Variants in ARHGAP32 observed in about 807,000 individuals in gnomAD.
ARHGAP32 encodes Rho GTPase activating protein 32.
ARHGAP32 carries 51 observed loss-of-function variants against 186.5 expected under a neutral mutation model. The ratio of observed to expected loss-of-function variants is 0.27; its 90% CI spans 0.22 to 0.35. The LOEUF is 0.35. ARHGAP32 is among the 10% of genes least tolerant of loss of function. ARHGAP32 has a pLI of 1.00. For synonymous variants in ARHGAP32, 950 were observed against 964.3 expected, an observed-to-expected ratio of 0.99 and a Z score of 0.27; for missense variants, 2,186 against 2,623.5, an observed-to-expected ratio of 0.83 and a Z score of 3.64.
At chr11:129,110,621 T>C (rs1343849434) in intron 5 of ARHGAP32, among the ~76,000 whole-genome samples, 1 of 152,228 alleles carries the variant, frequency 6.6e-6, no homozygotes, top group Non-Finnish European at 1.5e-5. Flanking sequence ...CATTCATCAG[T>C]GTTACACAAT....
chr11:129,238,756 A>AACACACACAC (rs71057936), intron 1 of ARHGAP32, among the ~76,000 whole-genome samples: 25,434 of 148,172 alleles, frequency 0.17, 2,319 homozygotes, highest in East Asian at 0.23. Context: ...ACTTATTTTA[A>AACACACACAC]ACACACACAC....
intron 2 of ARHGAP32, among the ~76,000 whole-genome samples, chr11:129,127,301 T>G (rs996222291): frequency 1.3e-5 from 2 of 152,182 alleles, no homozygotes; most frequent in South Asian, 4.1e-4. Flanking sequence ...CGGGAAAACC[T>G]CTGCCTAAAA....
At chr11:129,223,357 T>C (rs549382726) in intron 1 of ARHGAP32, among the ~76,000 whole-genome samples, 25 of 149,380 alleles carry the variant, frequency 1.7e-4, no homozygotes, top group Non-Finnish European at 3.0e-4. Flanking sequence ...GTGGTACCAG[T>C]GGAATTGAAG....
chr11:128,968,968 C>G lies in ARHGAP32; in HGVS notation c.6245G>C (p.Gly2082Ala). 6.3e-7 allele frequency: 1 copy of G among 1,581,462 alleles called. No individual in the cohort carries two copies. Among genetic ancestry groups the G allele is most frequent in the Non-Finnish European group, 8.6e-7 (1 of 1,158,424 alleles). The change falls in exon 23 of 23, where the codon GGG becomes GCG. Residue 2082 changes from glycine to alanine, a missense_variant. Around this residue, in one of 5 missense-constraint regions of ARHGAP32, gnomAD observed 1,502 missense variants for 1,570.0 expected, o/e 0.96. Coordinates refer to ENST00000682385, the MANE Select transcript of ARHGAP32 (RefSeq NM_001378024.1). ...GGACAACTCTGCGGGCAGGAAGGCC[C>G]CTTGACCCAACGCTGTAGCATAGGT... ...SRTYATALGQ[G>A]AFLPAELSLQ...
intron 12 of ARHGAP32, among the ~76,000 whole-genome samples, chr11:128,994,073 A>C (rs2134706569): frequency 6.6e-6 from 1 of 152,298 alleles, no homozygotes; most frequent in South Asian, 2.1e-4. Context: ...CATAACTGAA[A>C]CTTCTAAGTA....
At chr11:129,051,570 G>A (rs957999885) in intron 10 of ARHGAP32, among the ~76,000 whole-genome samples, 3 of 152,096 alleles carry the variant, frequency 2.0e-5, no homozygotes, top group South Asian at 2.1e-4. Flanking sequence ...TTCTTCTGAC[G>A]TCACATTAAA....
intron 1 of ARHGAP32, among the ~76,000 whole-genome samples, chr11:129,180,495 C>A (rs1944033215): frequency 6.6e-6 from 1 of 151,922 alleles, no homozygotes; most frequent in Admixed American, 6.6e-5. Context: ...TGTGTTATAC[C>A]TCAAAGTGTA....
intron 2 of ARHGAP32, among the ~76,000 whole-genome samples, chr11:129,159,549 C>T (rs1943484873): frequency 6.6e-6 from 1 of 151,834 alleles, no homozygotes; most frequent in African/African-American, 2.4e-5. Flanking sequence ...AGACCAATAA[C>T]AAGTTCTGAA....
At chr11:129,248,431 C>A (rs1945133485) in intron 1 of ARHGAP32, among the ~76,000 whole-genome samples, 1 of 152,134 alleles carries the variant, frequency 6.6e-6, no homozygotes, top group Non-Finnish European at 1.5e-5. Context: ...TAAAAATTTA[C>A]TCTTAATCAA....
intron 10 of ARHGAP32, among the ~76,000 whole-genome samples, chr11:129,056,034 G>C (rs1940240050): frequency 6.6e-6 from 1 of 152,132 alleles, no homozygotes; most frequent in Non-Finnish European, 1.5e-5. Context: ...GTGTGATTCT[G>C]GCCCTGGTGC....
Position 129,152,175 on chromosome 11 carries a change from T to C in ARHGAP32, c.225+12144A>G, listed in dbSNP as rs1943301949. Among the ~76,000 whole-genome samples, 6 of 152,210 alleles carry C rather than the reference T, an allele frequency of 3.9e-5. No homozygotes were observed. The South Asian group carries it at 1.2e-3, about 32-fold the overall frequency. ...CCCTCCTAGATTAAACCAGGAAGAA[T>C]CAGAAACTCTGTACACACCAAGTAG... On this transcript the variant is annotated intron_variant, in intron 2 of 22. Coordinates refer to ENST00000682385, the MANE Select transcript of ARHGAP32 (RefSeq NM_001378024.1).
intron 13 of ARHGAP32, among the ~76,000 whole-genome samples, chr11:128,987,717 T>C (rs1218510589): frequency 2.0e-5 from 3 of 152,194 alleles, no homozygotes; most frequent in African/African-American, 4.8e-5. Flanking sequence ...AGAATAATTT[T>C]ATTATAATGC....
At chr11:129,037,990 A>C (rs1203347498) in intron 11 of ARHGAP32, among the ~76,000 whole-genome samples, 1 of 151,330 alleles carries the variant, frequency 6.6e-6, no homozygotes. Flanking sequence ...AATCCCAGCT[A>C]CTCCGGAGGC....
At chr11:129,155,645 TA>T (rs1228335288) in intron 2 of ARHGAP32, among the ~76,000 whole-genome samples, 1 of 152,158 alleles carries the variant, frequency 6.6e-6, no homozygotes, top group Admixed American at 6.5e-5. Flanking sequence ...GAAAGTCATT[TA>T]CCAATGGTGA....
chr11:129,009,565 CT>C (rs1182139102), intron 11 of ARHGAP32, among the ~76,000 whole-genome samples: 3 of 152,194 alleles, frequency 2.0e-5, no homozygotes, highest in African/African-American at 7.2e-5. Flanking sequence ...TCAGCTCCCA[CT>C]TATAAGTGAG....
chr11:129,082,943 T>C (rs1941264576), intron 6 of ARHGAP32, among the ~76,000 whole-genome samples: 1 of 151,168 alleles, frequency 6.6e-6, no homozygotes. Flanking sequence ...GTGCTAGGGG[T>C]ATAAACAGTT....
chr11:129,089,761 T>C (rs774612213), intron 6 of ARHGAP32, among the ~76,000 whole-genome samples: 2 of 152,224 alleles, frequency 1.3e-5, no homozygotes, highest in South Asian at 2.1e-4. Context: ...TAATAGATTA[T>C]AGGATGCAAA....
chr11:129,044,774 T>G (rs1939740651), intron 10 of ARHGAP32, among the ~76,000 whole-genome samples: 1 of 152,198 alleles, frequency 6.6e-6, no homozygotes, highest in Non-Finnish European at 1.5e-5. Flanking sequence ...GGCAAACTGC[T>G]TAACATCTCT....
rs370425814 is a variant in ARHGAP32, at chr11:129,138,418, C to A, written c.226-13524G>T. ...CACATAGAGAACAGTTCATCCATTT[C>A]AGGAAAATACAATTTGATATGGAAA... is the stretch of plus-strand genomic sequence containing the variant. On this transcript the variant is annotated intron_variant, in intron 2 of 22. Coordinates refer to ENST00000682385, the MANE Select transcript of ARHGAP32 (RefSeq NM_001378024.1). Among the ~76,000 whole-genome samples, 78 of 151,954 alleles carry A rather than the reference C, an allele frequency of 5.1e-4. 1 individual carries two copies. The highest frequency in any genetic ancestry group is 1.7e-3 in the Admixed American group (26 of 15,272).
Sources: allele counts gnomAD v4.1 joint callset (sites outside exome capture counted in the v4.1 genomes callset), GRCh38; gene constraint gnomAD v4.1.1; regional missense constraint gnomAD v4.1.1; transcripts MANE v1.5; gene names NCBI Gene and HGNC (gene_info 2026-07-23, HGNC 2026-07-21).